Variants in AGO4 observed in about 807,000 individuals in gnomAD.
AGO4 encodes the protein protein argonaute-4.
In AGO4, 33 loss-of-function variants were observed where a neutral mutation model predicts 104.7. The ratio of observed to expected loss-of-function variants is 0.32; its 90% confidence interval spans 0.24 to 0.42. The LOEUF (loss-of-function observed/expected upper bound fraction) is 0.42. Ranked by LOEUF, AGO4 falls within the 10% of genes least tolerant of loss-of-function variation. The pLI, the probability that AGO4 is intolerant of heterozygous loss-of-function variation, is 1.00. For missense variants in AGO4, 711 were observed against 1,083.4 expected (o/e 0.66, Z 4.83); for synonymous variants, 331 against 364.7 (o/e 0.91, Z 1.05).
chr1:35,845,969 A>G (rs1644563086), intron 15 of AGO4, among the ~76,000 whole-genome samples: 2 of 152,190 alleles, frequency 1.3e-5, no homozygotes, highest in Non-Finnish European at 2.9e-5. Context: ...ATGACAAGCC[A>G]TGTGCTGGCC....
At position 35,855,992 on chromosome 1, in the gene AGO4, G is replaced by C. The variant is rs1410924870; in HGVS notation, c.*2387G>C. The C allele has an allele frequency of 1.3e-5, 2 of 152,272 alleles. No homozygotes were observed. The highest frequency in any genetic ancestry group is 4.8e-5 in the African/African-American group (2 of 41,458). 9.4% of individuals were successfully genotyped at this position (152,272 alleles called of 1,614,324 possible). A position where few individuals can be genotyped will look rare whatever the true frequency, so the allele number is the denominator to read the frequency against. Reference sequence around the variant, plus strand: ...CATCTCCTGGCATGTATGGAGCAGGGAGCAAGGCTATGTTCCCGAAAGCCC... The same window carrying C: ...CATCTCCTGGCATGTATGGAGCAGGCAGCAAGGCTATGTTCCCGAAAGCCC... On this transcript the variant is annotated 3_prime_UTR_variant, in exon 18 of 18. Coordinates refer to ENST00000373210, the MANE Select transcript of AGO4 (RefSeq NM_017629.4).
intron 13 of AGO4, among the ~76,000 whole-genome samples, chr1:35,838,916 T>G (rs1644376783): frequency 6.7e-6 from 1 of 150,164 alleles, no homozygotes; most frequent in African/African-American, 2.5e-5. Context: ...CATATCACAG[T>G]TCTCTTTTTT....
At chr1:35,817,411 G>GTATA (rs35774770) in intron 2 of AGO4, among the ~76,000 whole-genome samples, 243 of 149,274 alleles carry the variant, frequency 1.6e-3, no homozygotes, top group Admixed American at 2.4e-3. Context: ...TGAGAAAGAT[G>GTATA]TATATATATA....
intron 5 of AGO4, 23 bp from the exon 6 acceptor site, chr1:35,825,903 A>G: frequency 6.2e-7 from 1 of 1,611,688 alleles, no homozygotes. Context: ...CCCTGAAGTG[A>G]AGTATCCTTC....
chr1:35,834,446 T>C (rs1644257917), intron 12 of AGO4, among the ~76,000 whole-genome samples: 1 of 152,164 alleles, frequency 6.6e-6, no homozygotes, highest in South Asian at 2.1e-4. Flanking sequence ...TCTCTGCAAC[T>C]CCTTGGCCAC....
At chr1:35,811,288 A>T (rs997957918) in intron 1 of AGO4, among the ~76,000 whole-genome samples, 2 of 152,004 alleles carry the variant, frequency 1.3e-5, no homozygotes, top group African/African-American at 4.8e-5. Context: ...AGCCTGGCCA[A>T]CGTAGTGAAA....
At chr1:35,834,269 ACT>A (rs1644252803) in intron 12 of AGO4, 95 bp downstream of exon 12, 1 of 1,114,214 alleles carries the variant, frequency 9.0e-7, no homozygotes. Context: ...CAAACCTCAA[ACT>A]CTCAGTGGTT....
chr1:35,832,643 CTGTG>C, intron 11 of AGO4, 73 bp downstream of exon 11: 6 of 1,526,108 alleles, frequency 3.9e-6, no homozygotes, highest in Non-Finnish European at 5.3e-6. Context: ...TGTGAATGTG[CTGTG>C]TACACTGGCA....
At chr1:35,834,380 C>T (rs1429662462) in intron 12 of AGO4, among the ~76,000 whole-genome samples, 1 of 152,164 alleles carries the variant, frequency 6.6e-6, no homozygotes, top group East Asian at 1.9e-4. Context: ...ATTTGGGGAC[C>T]CAGCTTGGCA....
intron 15 of AGO4, among the ~76,000 whole-genome samples, chr1:35,848,004 A>G (rs1644613873): frequency 6.6e-6 from 1 of 152,220 alleles, no homozygotes; most frequent in South Asian, 2.1e-4. Flanking sequence ...TCCTGAATGC[A>G]GAACCTGTGG....
rs1557575446 is a variant in AGO4, at chr1:35,841,581, TC to T, written c.2041-34del. 1.9e-6 allele frequency: 3 copies of T among 1,613,770 alleles called. No individual in the cohort carries two copies. The highest frequency in any genetic ancestry group is 1.6e-4 in the Middle Eastern group (1 of 6,062). ...TAGATCTGAGAGATACTAGGCAAAT[TC>T]TCAATTAAACATAATTCCATTTCTG... On this transcript the variant is annotated intron_variant, in intron 14 of 17. Transcript: ENST00000373210. The surrounding 1 kb of genome is among the most constrained non-coding windows in gnomAD (Gnocchi z 4.7).
At position 35,841,198 on chromosome 1, in the gene AGO4, G is replaced by A. The variant is rs749368138; in HGVS notation, c.1758G>A (p.Leu586=). 6.2e-7 allele frequency: 1 copy of A among 1,611,832 alleles called. No homozygotes were observed. The highest frequency in any genetic ancestry group is 1.7e-5 in the Admixed American group (1 of 59,978). The change falls in exon 14 of 18, where the codon CTG becomes CTA. Residue 586 remains leucine (L), a synonymous_variant. Transcript: ENST00000373210. The surrounding 1 kb of genome is among the most constrained non-coding windows in gnomAD (Gnocchi z 4.7). ...TGTTCCAGCAGCCTGTCATCTTCCT[G>A]GGAGCGGATGTCACACACCCCCCAG... ...PSVFQQPVIF[L]GADVTHPPAG...
intron 13 of AGO4, among the ~76,000 whole-genome samples, chr1:35,840,580 T>C (rs1454516113): frequency 2.0e-5 from 3 of 151,974 alleles, no homozygotes; most frequent in South Asian, 4.1e-4. Flanking sequence ...ATTACAGGCG[T>C]GAGCCACCAC....
In AGO4 at chr1:35,821,069, C is replaced by G. The variant is rs536771161; in HGVS notation, c.186-1793C>G. Reference sequence around the variant, plus strand: ...TGCCCATTCTGAATTTTTCTTTTTTCTTTTCTTTAATATGAGGACCATAAT... The same window carrying G: ...TGCCCATTCTGAATTTTTCTTTTTTGTTTTCTTTAATATGAGGACCATAAT... On this transcript the variant is annotated intron_variant, in intron 2 of 17. Coordinates refer to ENST00000373210, the MANE Select transcript of AGO4 (RefSeq NM_017629.4). Among the ~76,000 whole-genome samples the G allele has an allele frequency of 4.1e-3, 620 of 152,094 alleles. 3 individuals are homozygous for G. The highest frequency in any genetic ancestry group is 5.5e-3 in the Non-Finnish European group (371 of 67,974).
intron 1 of AGO4, among the ~76,000 whole-genome samples, chr1:35,815,546 A>G (rs1456630060): frequency 6.6e-6 from 1 of 152,246 alleles, no homozygotes. Context: ...GACTTTTTAG[A>G]TAATTTAATA....
At chr1:35,842,082 CT>C (rs1384243512) in intron 15 of AGO4, among the ~76,000 whole-genome samples, 1 of 151,768 alleles carries the variant, frequency 6.6e-6, no homozygotes, top group Non-Finnish European at 1.5e-5. Context: ...TTATTTGTTA[CT>C]TTTTGCTGCA....
chr1:35,818,706 G>GGAAGGAAGGAAGGAAGGAAAC (rs1643810763), intron 2 of AGO4, among the ~76,000 whole-genome samples: 2 of 151,652 alleles, frequency 1.3e-5, no homozygotes, highest in African/African-American at 4.8e-5. Flanking sequence ...AGGAAGGAAA[G>GGAAGGAAGGAAGGAAGGAAAC]AAACAAACAG....
chr1:35,853,248 C>CAAAA (rs767922952), intron 17 of AGO4, among the ~76,000 whole-genome samples: 2 of 64,930 alleles, frequency 3.1e-5, no homozygotes, highest in East Asian at 5.2e-4. Flanking sequence ...GACTCTGTCT[C>CAAAA]AAAAAAAAAA....
chr1:35,832,717 A>G, intron 11 of AGO4, 147 bp downstream of exon 11: 3 of 1,086,244 alleles, frequency 2.8e-6, no homozygotes, highest in Non-Finnish European at 3.6e-6. Flanking sequence ...CTTGTATTAT[A>G]GTAATTTGCA....
Sources: gnomAD v4.1 joint callset for allele counts (sites outside exome capture counted in the v4.1 genomes callset) on GRCh38, gnomAD v4.1.1 for gene constraint, Gnocchi (gnomAD v3.1) non-coding constraint, MANE v1.5 for transcripts, NCBI Gene and HGNC (gene_info 2026-07-23, HGNC 2026-07-21) for gene names.